PCDHA6: variants seen among roughly 807,000 people sequenced by gnomAD.
PCDHA6 encodes protocadherin alpha 6, also known as protocadherin alpha-6.
A neutral mutation model predicts 60.3 loss-of-function variants in PCDHA6; 55 were observed. The observed-to-expected ratio is 0.91, with a 90% CI of 0.73 to 1.14. The LOEUF (loss-of-function observed/expected upper bound fraction) is 1.14, where lower values mean the gene tolerates loss of function less well. Among genes scored for constraint, PCDHA6 ranks in the 50% most tolerant of loss-of-function variants. PCDHA6 has a pLI of 0.00. For missense variants in PCDHA6, 1,327 were observed against 1,256.5 expected, an observed-to-expected ratio of 1.06 and a Z score of -0.85; for synonymous variants, 652 against 557.9, an observed-to-expected ratio of 1.17 and a Z score of -2.38.
At chr5:140,851,067 G>A in intron 1 of PCDHA6, 4 of 1,367,668 alleles carry the variant, frequency 2.9e-6, no homozygotes, top group Non-Finnish European at 3.8e-6. Context: ...CTTCTAGTGA[G>A]AATTATAAAC....
intron 1 of PCDHA6, among the ~76,000 whole-genome samples, chr5:140,951,214 T>C (rs994639576): frequency 1.3e-5 from 2 of 152,218 alleles, no homozygotes; most frequent in African/African-American, 2.4e-5. Context: ...ATCTCAGGTT[T>C]GGATTCTTGA....
At chr5:140,931,044 CT>C (rs781930381) in intron 1 of PCDHA6, among the ~76,000 whole-genome samples, 67 of 152,264 alleles carry the variant, frequency 4.4e-4, no homozygotes, top group South Asian at 2.7e-3. Flanking sequence ...GCAAGAAAAA[CT>C]TCAATGCTGT....
At chr5:140,842,563 C>T in intron 1 of PCDHA6, 2 of 1,499,332 alleles carry the variant, frequency 1.3e-6, no homozygotes, top group South Asian at 1.2e-5. Flanking sequence ...GCGCCCTGGA[C>T]CGCGAGAGAG....
chr5:140,995,993 A>G (rs1017469411), intron 3 of PCDHA6, among the ~76,000 whole-genome samples: 16 of 152,226 alleles, frequency 1.1e-4, no homozygotes, highest in Non-Finnish European at 1.8e-4. Context: ...GCCACTCAAA[A>G]ATGTCGTCAG....
chr5:140,845,778 A>G (rs190937688), intron 1 of PCDHA6, among the ~76,000 whole-genome samples: 1 of 149,842 alleles, frequency 6.7e-6, no homozygotes, highest in East Asian at 1.9e-4. Context: ...GTTATAAATT[A>G]TTAATAATAA....
Position 140,898,031 on chromosome 5 carries a change from G to C in PCDHA6, c.2394+67546G>C, listed in dbSNP as rs550093815. Among the ~76,000 whole-genome samples, 156 of 152,112 alleles carry C rather than the reference G, an allele frequency of 1.0e-3. No individual in the cohort carries two copies. The South Asian group carries it at 0.016, about 16-fold the overall frequency. ...CATATCCTTTGCCCACTTTTTGATG[G>C]GGTTGTTTGTTTTTTTCTTGTAAAT... On this transcript the variant is annotated intron_variant, in intron 1 of 3. Coordinates refer to ENST00000529310, the MANE Select transcript of PCDHA6 (RefSeq NM_018909.4).
intron 1 of PCDHA6, chr5:140,842,406 A>G: frequency 6.2e-7 from 1 of 1,612,200 alleles, no homozygotes; most frequent in Non-Finnish European, 8.5e-7. Context: ...GTACGTGAAG[A>G]CGCTCAATTT....
chr5:140,829,852 A>C lies in PCDHA6; in HGVS notation c.1761A>C (p.Ala587=), dbSNP rs2150176201. Residue 587 remains alanine (A), a synonymous_variant, in exon 1 of 4, where the codon GCA becomes GCC. Transcript: ENST00000529310. ...AGCTGGTGCCGCGGTCACTGGGTGC[A>C]GGCCAAGTGGTGGCGAAGGTGCGCG... is the stretch of plus-strand genomic sequence containing the variant. The part of the protein sequence containing the change: ...VSELVPRSLG[A]GQVVAKVRAV... 6 of 1,613,824 alleles carry C rather than the reference A, an allele frequency of 3.7e-6. No individual in the cohort carries two copies. The highest frequency in any genetic ancestry group is 5.1e-6 in the Non-Finnish European group (6 of 1,179,888).
intron 1 of PCDHA6, among the ~76,000 whole-genome samples, chr5:140,964,646 G>A (rs1554227128): frequency 6.6e-6 from 1 of 152,004 alleles, no homozygotes; most frequent in African/African-American, 2.4e-5. Context: ...TCAGAAACAA[G>A]TAATGGGTGA....
intron 1 of PCDHA6, among the ~76,000 whole-genome samples, chr5:140,846,126 G>T (rs2150384899): frequency 6.7e-6 from 1 of 149,636 alleles, no homozygotes; most frequent in East Asian, 1.9e-4. Flanking sequence ...TTTGATAGTT[G>T]TATGTTTCCC....
chr5:140,868,423 T>A (rs1554161972), intron 1 of PCDHA6: 1 of 151,106 alleles, frequency 6.6e-6, no homozygotes, highest in African/African-American at 2.4e-5. Flanking sequence ...CCCACAGAGA[T>A]GAGAATAGAT....
rs2150217412 is a variant in PCDHA6, at chr5:140,834,416, C to T, written c.2394+3931C>T. 4.3e-6 allele frequency: 7 copies of T among 1,611,040 alleles called. No individual in the cohort carries two copies. In the East Asian group the frequency reaches 1.1e-4, roughly 26 times the overall value. The stretch of plus-strand genomic sequence containing the variant: ...GCCCGAATGGATACGACCCAGGGGG[C>T]CGACATCTACTGCTGTTTATTATAA... On this transcript the variant is annotated intron_variant, in intron 1 of 3. Transcript: ENST00000529310.
intron 1 of PCDHA6, chr5:140,864,603 C>A (rs1230930036): frequency 3.3e-5 from 5 of 152,210 alleles, no homozygotes; most frequent in Non-Finnish European, 7.3e-5. Flanking sequence ...AGATAGCCAA[C>A]AACTTTGTTC....
intron 1 of PCDHA6, chr5:140,968,070 A>T: frequency 6.2e-7 from 1 of 1,614,152 alleles, no homozygotes; most frequent in Non-Finnish European, 8.5e-7. Context: ...GTGGCTGTCT[A>T]CAACATCACG....
rs544074425 is a variant in PCDHA6, at chr5:140,965,070, C to A, written c.2395-13879C>A. Among the ~76,000 whole-genome samples the A allele has an allele frequency of 1.2e-4, 19 of 152,306 alleles. 1 individual carries two copies. In the South Asian group the frequency reaches 3.9e-3, roughly 32 times the overall value. On this transcript the variant is annotated intron_variant, in intron 1 of 3. Coordinates refer to ENST00000529310, the MANE Select transcript of PCDHA6 (RefSeq NM_018909.4). ...GGGAAGCATGCCAAATGTCAGGTCT[C>A]ACTCTGACTTTGTTCCAGTCCATAG... is the stretch of plus-strand genomic sequence containing the variant.
chr5:140,848,583 C>T (rs2040479456), intron 1 of PCDHA6: 1 of 1,595,014 alleles, frequency 6.3e-7, no homozygotes, highest in Non-Finnish European at 8.6e-7. Flanking sequence ...GGGGAGCGGC[C>T]AGCTCCACTA....
chr5:140,870,732 T>G (rs782731773), intron 1 of PCDHA6: 27 of 1,613,288 alleles, frequency 1.7e-5, no homozygotes, highest in African/African-American at 2.7e-5. Flanking sequence ...GCGTGCCGCC[T>G]CTGAGCAGCA....
intron 2 of PCDHA6, among the ~76,000 whole-genome samples, chr5:140,979,726 G>A (rs2096861839): frequency 1.3e-5 from 2 of 152,072 alleles, no homozygotes; most frequent in African/African-American, 4.8e-5. Context: ...CATGCCATGG[G>A]GCCAAATAAA....
intron 1 of PCDHA6, chr5:140,864,867 C>A (rs868913325): frequency 3.9e-5 from 6 of 152,058 alleles, no homozygotes; most frequent in South Asian, 2.1e-4. Context: ...AAGGGTGATA[C>A]CATTGTCTGT....
Sources: gnomAD v4.1 joint callset for allele counts (sites outside exome capture counted in the v4.1 genomes callset) on GRCh38, gnomAD v4.1.1 for gene constraint, MANE v1.5 for transcripts, NCBI Gene and HGNC (gene_info 2026-07-23, HGNC 2026-07-21) for gene names.